CSNK1G3: variants seen among roughly 807,000 people sequenced by gnomAD.
CSNK1G3 encodes casein kinase I isoform gamma-3.
CSNK1G3 carries 23 observed loss-of-function variants against 64.3 expected under a neutral mutation model. The observed-to-expected ratio is 0.36, with a 90% CI of 0.26 to 0.51. CSNK1G3 has a LOEUF of 0.51. CSNK1G3 is among the 20% of genes least tolerant of loss of function. CSNK1G3 has a pLI of 0.96. For missense variants in CSNK1G3, 357 were observed against 510.5 expected, an observed-to-expected ratio of 0.70 and a Z score of 2.90; for synonymous variants, 158 against 162.2, an observed-to-expected ratio of 0.97 and a Z score of 0.20.
chr5:123,611,421 C>G (rs1356802005), intron 12 of CSNK1G3, among the ~76,000 whole-genome samples: 1 of 152,050 alleles, frequency 6.6e-6, no homozygotes, highest in Non-Finnish European at 1.5e-5. Context: ...AATTTAAGGG[C>G]CATTAGAATT....
intron 6 of CSNK1G3, among the ~76,000 whole-genome samples, chr5:123,578,002 T>C (rs1789515980): frequency 6.6e-6 from 1 of 151,972 alleles, no homozygotes; most frequent in Non-Finnish European, 1.5e-5. Context: ...ATAATGTCTT[T>C]AAGATTCATT....
intron 1 of CSNK1G3, among the ~76,000 whole-genome samples, chr5:123,513,102 G>C (rs1171249079): frequency 6.6e-6 from 1 of 152,116 alleles, no homozygotes; most frequent in South Asian, 2.1e-4. Context: ...AAGGGGTTGG[G>C]TGGGGGGACA....
intron 1 of CSNK1G3, among the ~76,000 whole-genome samples, chr5:123,538,789 T>C (rs759586629): frequency 3.3e-5 from 5 of 152,218 alleles, no homozygotes; most frequent in Non-Finnish European, 7.3e-5. Flanking sequence ...TACACACTCA[T>C]ATAAAATAAT....
At chr5:123,546,996 A>G (rs1782635010) in intron 2 of CSNK1G3, among the ~76,000 whole-genome samples, 1 of 152,158 alleles carries the variant, frequency 6.6e-6, no homozygotes. Context: ...TGAATTAGAT[A>G]CTATGAAATT....
intron 1 of CSNK1G3, 76 bp downstream of exon 1, chr5:123,512,646 C>A (rs948725040): frequency 5.3e-5 from 8 of 149,590 alleles, no homozygotes; most frequent in Non-Finnish European, 1.2e-4. Context: ...GCGGCGCCCT[C>A]CCTCCCGGGT....
chr5:123,590,387 A>G (rs2150971816), intron 8 of CSNK1G3, 23 bp from the exon 9 acceptor site: 1 of 1,251,726 alleles, frequency 8.0e-7, no homozygotes, highest in Non-Finnish European at 1.1e-6. Flanking sequence ...GTATAGTCCA[A>G]ATAATTTTTA....
intron 1 of CSNK1G3, among the ~76,000 whole-genome samples, chr5:123,540,075 A>G (rs879885487): frequency 6.6e-6 from 1 of 151,858 alleles, no homozygotes; most frequent in Non-Finnish European, 1.5e-5. Context: ...TCAAAGAATC[A>G]GTTTTTGTCT....
chr5:123,538,058 C>A (rs1781124260), intron 1 of CSNK1G3, among the ~76,000 whole-genome samples: 1 of 151,992 alleles, frequency 6.6e-6, no homozygotes, highest in African/African-American at 2.4e-5. Context: ...ATGACTATAC[C>A]AATTTGTTTA....
chr5:123,616,515 C>T (rs1749478623), exon 13 of CSNK1G3: 4 of 152,512 alleles, frequency 2.6e-5, no homozygotes, highest in Admixed American at 2.6e-4. Context: ...AGTGTGTAGG[C>T]ATTTGCTTTT....
At chr5:123,561,534 A>C (rs1785715783) in intron 4 of CSNK1G3, among the ~76,000 whole-genome samples, 1 of 152,198 alleles carries the variant, frequency 6.6e-6, no homozygotes, top group African/African-American at 2.4e-5. Flanking sequence ...CAGCTGCTCA[A>C]AAGTAAGGAA....
At chr5:123,554,192 G>A (rs1326147472) in intron 3 of CSNK1G3, among the ~76,000 whole-genome samples, 1 of 152,168 alleles carries the variant, frequency 6.6e-6, no homozygotes, top group Non-Finnish European at 1.5e-5. Context: ...GTGGAGTAGG[G>A]TTGCAGTGCC....
chr5:123,610,010 T>G (rs1796040477), intron 12 of CSNK1G3, among the ~76,000 whole-genome samples: 1 of 152,108 alleles, frequency 6.6e-6, no homozygotes, highest in African/African-American at 2.4e-5. Flanking sequence ...GGAGGCAAGT[T>G]GAAAAGTTCA....
chr5:123,530,982 A>G (rs1180605775), intron 1 of CSNK1G3, among the ~76,000 whole-genome samples: 1 of 152,144 alleles, frequency 6.6e-6, no homozygotes, highest in Non-Finnish European at 1.5e-5. Flanking sequence ...TCACATCACA[A>G]ATATCTTTAC....
At chr5:123,566,522 C>A (rs1786912336) in intron 4 of CSNK1G3, among the ~76,000 whole-genome samples, 1 of 152,086 alleles carries the variant, frequency 6.6e-6, no homozygotes, top group South Asian at 2.1e-4. Flanking sequence ...TTTTTCCTTA[C>A]CTCTCCCATT....
intron 12 of CSNK1G3, among the ~76,000 whole-genome samples, chr5:123,605,920 A>G (rs1243824328): frequency 6.6e-6 from 1 of 152,098 alleles, no homozygotes; most frequent in East Asian, 1.9e-4. Flanking sequence ...AGTAACATTA[A>G]TAGAAATAAT....
intron 4 of CSNK1G3, among the ~76,000 whole-genome samples, chr5:123,565,479 G>A (rs996062330): frequency 1.6e-4 from 24 of 152,170 alleles, no homozygotes; most frequent in Non-Finnish European, 3.5e-4. Flanking sequence ...AGCATTTCTA[G>A]CCACAATTTA....
intron 3 of CSNK1G3, among the ~76,000 whole-genome samples, chr5:123,553,737 A>G (rs986251457): frequency 2.0e-5 from 3 of 152,222 alleles, no homozygotes; most frequent in Non-Finnish European, 4.4e-5. Context: ...ATCTCTTTGG[A>G]AAAATTGGGA....
chr5:123,576,942 T>A (rs899101234), intron 6 of CSNK1G3, among the ~76,000 whole-genome samples: 2 of 152,120 alleles, frequency 1.3e-5, no homozygotes, highest in Non-Finnish European at 2.9e-5. Context: ...TATTCTAATG[T>A]CAGCAGAAGC....
In CSNK1G3 at chr5:123,613,448, A is replaced by G. The variant is rs1467461612; in HGVS notation, c.1218-894A>G. On this transcript the variant is annotated intron_variant, in intron 12 of 12. Transcript: ENST00000345990. ...GTGTGTGTGTGCGTATGTATGTATA[A>G]TATAATATATGTGTGTACATTTATA... Among the ~76,000 whole-genome samples the G allele has an allele frequency of 6.0e-5, 9 of 151,150 alleles. No homozygotes were observed. The South Asian group carries it at 6.3e-4, about 11-fold the overall frequency.
Sources: allele counts gnomAD v4.1 joint callset (sites outside exome capture counted in the v4.1 genomes callset), GRCh38; gene constraint gnomAD v4.1.1; transcripts MANE v1.5; gene names NCBI Gene and HGNC (gene_info 2026-07-23, HGNC 2026-07-21).